Variants in HHLA2 observed in about 807,000 individuals in gnomAD.
HHLA2 encodes HERV-H LTR-associating protein 2.
HHLA2 carries 48 observed loss-of-function variants against 45.9 expected under a neutral mutation model. The observed-to-expected ratio is 1.05, with a 90% confidence interval of 0.83 to 1.33. The LOEUF is 1.33. HHLA2 is among the 40% of genes most tolerant of loss of function. The pLI is 0.00. For missense variants in HHLA2, 462 were observed against 494.3 expected (o/e 0.93, Z 0.62); for synonymous variants, 161 against 173.9 (o/e 0.93, Z 0.59).
chr3:108,334,837 G>A (rs1004994098), intron 3 of HHLA2, among the ~76,000 whole-genome samples: 3 of 152,176 alleles, frequency 2.0e-5, no homozygotes, highest in African/African-American at 7.2e-5. Flanking sequence ...ATGGAAGCTG[G>A]AATGGCAGAT....
intron 1 of HHLA2, among the ~76,000 whole-genome samples, chr3:108,299,977 A>G (rs2080823989): frequency 6.6e-6 from 1 of 152,172 alleles, no homozygotes; most frequent in Non-Finnish European, 1.5e-5. Flanking sequence ...AGACGGGAAA[A>G]TGAGCAACTC....
chr3:108,310,465 T>G (rs2081000584), intron 1 of HHLA2, among the ~76,000 whole-genome samples, 190 bp from the exon 2 acceptor site: 1 of 152,342 alleles, frequency 6.6e-6, no homozygotes, highest in African/African-American at 2.4e-5. Context: ...TTGTTAATTT[T>G]TTTGAAATTT....
At chr3:108,359,793 C>T (rs1048175705) in intron 7 of HHLA2, among the ~76,000 whole-genome samples, 3 of 152,068 alleles carry the variant, frequency 2.0e-5, no homozygotes, top group Non-Finnish European at 4.4e-5. Flanking sequence ...TACAGTAGTC[C>T]CCCCTTTCCT....
chr3:108,330,164 C>A (rs1290927001), intron 3 of HHLA2, among the ~76,000 whole-genome samples: 1 of 152,082 alleles, frequency 6.6e-6, no homozygotes, highest in African/African-American at 2.4e-5. Flanking sequence ...GCCACAGTGT[C>A]TTTTATAACC....
At chr3:108,363,923 G>A (rs1225071757) in intron 8 of HHLA2, among the ~76,000 whole-genome samples, 1 of 152,034 alleles carries the variant, frequency 6.6e-6, no homozygotes, top group Non-Finnish European at 1.5e-5. Flanking sequence ...CCAAAACTTG[G>A]AAGGAGAGAG....
intron 3 of HHLA2, among the ~76,000 whole-genome samples, chr3:108,350,096 T>C: frequency 6.6e-6 from 1 of 152,164 alleles, no homozygotes. Flanking sequence ...AGTTTAATGA[T>C]TACTTGTAAT....
intron 8 of HHLA2, among the ~76,000 whole-genome samples, chr3:108,363,741 A>AGAATGATAGTTTAGTTTCTTTAGTG (rs1301924739): frequency 2.6e-5 from 4 of 152,190 alleles, no homozygotes; most frequent in African/African-American, 9.6e-5. Flanking sequence ...ATCCTACTCA[A>AGAATGATAGTTTAGTTTCTTTAGTG]GAATGATAGT....
At chr3:108,315,856 C>T (rs1035014349) in intron 2 of HHLA2, among the ~76,000 whole-genome samples, 1 of 152,032 alleles carries the variant, frequency 6.6e-6, no homozygotes, top group Non-Finnish European at 1.5e-5. Flanking sequence ...CTTCACAAGC[C>T]TGGTCTATTT....
intron 1 of HHLA2, among the ~76,000 whole-genome samples, chr3:108,309,785 A>AT (rs1489791492): frequency 8.6e-5 from 13 of 151,876 alleles, no homozygotes; most frequent in Non-Finnish European, 1.9e-4. Flanking sequence ...TAAAATTACT[A>AT]TTTTTTCCCC....
intron 3 of HHLA2, among the ~76,000 whole-genome samples, chr3:108,334,558 A>G (rs1363036851): frequency 6.6e-6 from 1 of 152,230 alleles, no homozygotes; most frequent in Admixed American, 6.5e-5. Flanking sequence ...GTGGATTCAG[A>G]AAGTTGCCAA....
intron 1 of HHLA2, among the ~76,000 whole-genome samples, chr3:108,301,342 G>C (rs1293036466): frequency 2.0e-5 from 3 of 152,090 alleles, no homozygotes; most frequent in African/African-American, 7.2e-5. Context: ...GTGAATTCCA[G>C]AGACGTGACT....
At chr3:108,369,776 C>G (rs1007064424) in intron 8 of HHLA2, among the ~76,000 whole-genome samples, 1 of 152,192 alleles carries the variant, frequency 6.6e-6, no homozygotes, top group Admixed American at 6.5e-5. Context: ...GGGGCACCCA[C>G]CATTGCCGAG....
At position 108,301,664 on chromosome 3, in the gene HHLA2, C is replaced by T. The variant is rs6794423; in HGVS notation, c.-192+5065C>T. On this transcript the variant is annotated intron_variant, in intron 1 of 10. Coordinates refer to ENST00000619531, the Ensembl canonical transcript of HHLA2. Reference sequence around the variant, plus strand: ...TCCCTTTTGGAAGTTGAGGGTGGCCCGTGGTAGTTTTAATCTGCTTGGCAA... The same window carrying T: ...TCCCTTTTGGAAGTTGAGGGTGGCCTGTGGTAGTTTTAATCTGCTTGGCAA... Among the ~76,000 whole-genome samples the T allele has an allele frequency of 7.5e-3, 1,141 of 152,174 alleles. 13 individuals are homozygous for T. The highest frequency in any genetic ancestry group is 0.026 in the African/African-American group (1,077 of 41,508).
intron 7 of HHLA2, among the ~76,000 whole-genome samples, chr3:108,359,920 G>A (rs1430478576): frequency 6.6e-6 from 1 of 152,060 alleles, no homozygotes; most frequent in African/African-American, 2.4e-5. Flanking sequence ...TTTATGCCTT[G>A]GTGCCTCATT....
intron 2 of HHLA2, among the ~76,000 whole-genome samples, chr3:108,315,282 T>G (rs1464750911): frequency 6.6e-6 from 1 of 152,158 alleles, no homozygotes; most frequent in African/African-American, 2.4e-5. Context: ...AGACAAGAAC[T>G]TCAGCTATCA....
chr3:108,356,921 T>C (rs528707149), intron 6 of HHLA2, among the ~76,000 whole-genome samples: 1 of 152,330 alleles, frequency 6.6e-6, no homozygotes, highest in South Asian at 2.1e-4. Context: ...AGAAGAGTAG[T>C]AGGACATTCC....
intron 2 of HHLA2, among the ~76,000 whole-genome samples, chr3:108,321,091 T>TAAAAAACAAAAAAAAAAAAAAAAAA (rs2081191747): frequency 9.9e-6 from 1 of 101,428 alleles, no homozygotes; most frequent in African/African-American, 3.6e-5. Flanking sequence ...TCCAGGTGTT[T>TAAAAAACAAAAAAAAAAAAAAAAAA]AAAAAAAAAA....
intron 8 of HHLA2, among the ~76,000 whole-genome samples, chr3:108,365,355 T>C (rs1387189894): frequency 6.6e-6 from 1 of 152,196 alleles, no homozygotes; most frequent in African/African-American, 2.4e-5. Context: ...CATTGGTCTA[T>C]GTATCTGTTT....
intron 8 of HHLA2, among the ~76,000 whole-genome samples, chr3:108,372,009 TCAA>T (rs977731591): frequency 4.9e-4 from 75 of 152,286 alleles, no homozygotes; most frequent in African/African-American, 1.8e-3. Context: ...CCACCCCAAA[TCAA>T]CAGAATATAC....
Sources: allele counts gnomAD v4.1 joint callset (sites outside exome capture counted in the v4.1 genomes callset), GRCh38; gene constraint gnomAD v4.1.1; transcripts MANE v1.5; gene names NCBI Gene and HGNC (gene_info 2026-07-23, HGNC 2026-07-21).